The following NINL variants were observed in gnomAD, a reference collection of about 807,000 sequenced individuals.
The protein encoded by NINL is ninein like, also known as ninein-like protein.
Under a neutral mutation model 160.3 loss-of-function variants are expected in NINL, and 153 were observed. The observed-to-expected ratio is 0.95, with a 90% CI of 0.84 to 1.09. The LOEUF is 1.09. Ranked by LOEUF, NINL falls within the 50% of genes least tolerant of loss-of-function variation. NINL has a pLI of 0.00. For synonymous variants in NINL, 800 were observed against 734.8 expected, an observed-to-expected ratio of 1.09 and a Z score of -1.43; for missense variants, 1,829 against 1,764.0, an observed-to-expected ratio of 1.04 and a Z score of -0.66.
intron 10 of NINL, among the ~76,000 whole-genome samples, chr20:25,495,378 C>T (rs536051507): frequency 2.0e-5 from 3 of 152,342 alleles, no homozygotes; most frequent in South Asian, 4.1e-4. Context: ...GTGGCTCCAT[C>T]GCGCATAGCT....
In NINL at chr20:25,549,414, G is replaced by A. The variant is rs572284940; in HGVS notation, c.-11-22816C>T. 3.3e-3 allele frequency among the ~76,000 whole-genome samples: 488 copies of A among 149,622 alleles called. 3 individuals carry two copies. Among genetic ancestry groups the A allele is most frequent in the African/African-American group, 0.011 (452 of 40,584 alleles). ...CCCAGCCTCACCCAGGGCTGGCCCCGGCACCCATGGCCACAGCTCCCACAC... is the reference window on the plus strand; with the variant it reads ...CCCAGCCTCACCCAGGGCTGGCCCCAGCACCCATGGCCACAGCTCCCACAC... On this transcript the variant is annotated intron_variant, in intron 1 of 23. Transcript: ENST00000278886.
intron 23 of NINL, among the ~76,000 whole-genome samples, chr20:25,454,909 T>C (rs938976732): frequency 1.3e-5 from 2 of 152,228 alleles, no homozygotes; most frequent in African/African-American, 4.8e-5. Context: ...AGATAGATCC[T>C]GTCATGCTTT....
chr20:25,558,807 G>A (rs922507885), intron 1 of NINL, among the ~76,000 whole-genome samples: 8 of 152,234 alleles, frequency 5.3e-5, no homozygotes, highest in Non-Finnish European at 7.3e-5. Flanking sequence ...GATAATAGGT[G>A]TATTCTGAGA....
chr20:25,517,965 T>A (rs2064190952), intron 2 of NINL, 116 bp from the exon 3 acceptor site: 1 of 558,518 alleles, frequency 1.8e-6, no homozygotes, highest in Admixed American at 3.9e-5. Context: ...CCTTTTAGAA[T>A]GAGAACATTC....
At chr20:25,508,279 A>C (rs2064000490) in intron 5 of NINL, among the ~76,000 whole-genome samples, 1 of 152,228 alleles carries the variant, frequency 6.6e-6, no homozygotes. Context: ...AATGCCCTCT[A>C]TCCAAGCTAT....
intron 10 of NINL, among the ~76,000 whole-genome samples, chr20:25,494,514 C>T (rs2063708758): frequency 1.3e-5 from 2 of 152,192 alleles, no homozygotes; most frequent in South Asian, 4.1e-4. Context: ...CACACTAACT[C>T]CCCACACCAT....
intron 1 of NINL, among the ~76,000 whole-genome samples, chr20:25,548,692 A>C (rs2064766111): frequency 7.5e-5 from 11 of 147,290 alleles, no homozygotes; most frequent in Admixed American, 7.4e-4. Context: ...TCCCACACCC[A>C]GCCCCACCCG....
chr20:25,460,373 G>A (rs1334511897), intron 21 of NINL, among the ~76,000 whole-genome samples: 1 of 152,160 alleles, frequency 6.6e-6, no homozygotes, highest in Non-Finnish European at 1.5e-5. Flanking sequence ...GACCCACATG[G>A]CTGCAAGGAC....
Position 25,513,094 on chromosome 20 carries a change from C to T in NINL, c.278-88G>A. On this transcript the variant is annotated intron_variant, in intron 3 of 23. Transcript: ENST00000278886. Reference sequence around the variant, plus strand: ...AGCAGGTACCCTCTGAGAAGGTGCACACTCAGCACCGAGTGTGCCCCTCAA... The same window carrying T: ...AGCAGGTACCCTCTGAGAAGGTGCATACTCAGCACCGAGTGTGCCCCTCAA... 3.7e-6 allele frequency: 5 copies of T among 1,345,106 alleles called. No homozygotes were observed. The South Asian group carries it at 5.6e-5, about 15-fold the overall frequency. The allele number at this position is 1,345,106 out of a possible 1,614,324, so 83.3% of individuals were successfully genotyped here. A position where few individuals can be genotyped will look rare whatever the true frequency, so the allele number is the denominator to read the frequency against.
chr20:25,465,584 G>A (rs752267000), intron 19 of NINL, among the ~76,000 whole-genome samples: 5 of 152,134 alleles, frequency 3.3e-5, no homozygotes, highest in East Asian at 1.9e-4. Flanking sequence ...AGGGGTCCCC[G>A]ACGACTCCAA....
chr20:25,503,215 C>T (rs1170536309), intron 7 of NINL, among the ~76,000 whole-genome samples: 6 of 149,822 alleles, frequency 4.0e-5, no homozygotes, highest in Non-Finnish European at 7.4e-5. Context: ...CAGGTGGGCA[C>T]CTGAGCAGCA....
intron 21 of NINL, among the ~76,000 whole-genome samples, chr20:25,460,425 G>T (rs117357236): frequency 1.3e-5 from 2 of 152,178 alleles, no homozygotes; most frequent in South Asian, 4.1e-4. Context: ...CTGGTGGCAG[G>T]CGTGGCCCCA....
chr20:25,467,335 T>C, intron 19 of NINL, 54 bp downstream of exon 19: 1 of 1,354,684 alleles, frequency 7.4e-7, no homozygotes, highest in South Asian at 1.2e-5. Context: ...GATTTCAAAA[T>C]AATGAAAAAA....
chr20:25,489,872 C>G lies in NINL; in HGVS notation c.1596+3G>C, dbSNP rs752939032. On this transcript the variant is annotated splice_donor_region_variant and intron_variant, in intron 12 of 23. Coordinates refer to ENST00000278886, the MANE Select transcript of NINL (RefSeq NM_025176.6). ...GAGGCAGACTGTCAGCAAAGGGACT[C>G]GCCTTGTCCTTCAGCACAAACTCCA... The G allele has an allele frequency of 1.2e-6, 2 of 1,613,846 alleles. No homozygotes were observed. The highest frequency in any genetic ancestry group is 1.7e-6 in the Non-Finnish European group (2 of 1,179,768).
intron 10 of NINL, 124 bp from the exon 11 acceptor site, chr20:25,491,649 C>A: frequency 8.6e-7 from 1 of 1,167,568 alleles, no homozygotes; most frequent in Non-Finnish European, 1.2e-6. Flanking sequence ...CAGGGCCGCC[C>A]TGCCTTGGCT....
At chr20:25,493,699 G>A (rs901477694) in intron 10 of NINL, among the ~76,000 whole-genome samples, 5 of 152,038 alleles carry the variant, frequency 3.3e-5, no homozygotes, top group African/African-American at 9.7e-5. Context: ...GAATGATAAC[G>A]CTACAAGGCT....
intron 1 of NINL, among the ~76,000 whole-genome samples, chr20:25,558,404 C>T (rs1211967386): frequency 1.3e-5 from 2 of 152,124 alleles, no homozygotes; most frequent in Non-Finnish European, 1.5e-5. Context: ...GATGGGGTTT[C>T]GCCATGTTGG....
chr20:25,502,156 A>C (rs1314311239), intron 7 of NINL, among the ~76,000 whole-genome samples: 2 of 151,858 alleles, frequency 1.3e-5, no homozygotes, highest in Non-Finnish European at 2.9e-5. Context: ...TAATTTTTGT[A>C]GTTTCACTAG....
chr20:25,519,990 A>C (rs1477547392), intron 2 of NINL, among the ~76,000 whole-genome samples: 114 of 91,890 alleles, frequency 1.2e-3, no homozygotes, highest in Non-Finnish European at 1.8e-3. Flanking sequence ...ACCCCGTCTC[A>C]AAAAAAAAAA....
Sources: gnomAD v4.1 joint callset for allele counts (sites outside exome capture counted in the v4.1 genomes callset) on GRCh38, gnomAD v4.1.1 for gene constraint, MANE v1.5 for transcripts, NCBI Gene and HGNC (gene_info 2026-07-23, HGNC 2026-07-21) for gene names.